MEF2C: variants seen among roughly 807,000 people sequenced by gnomAD.
MEF2C encodes myocyte-specific enhancer factor 2C.
A neutral mutation model predicts 50.5 loss-of-function variants in MEF2C; 6 were observed. The ratio of observed to expected loss-of-function variants is 0.12; its 90% CI spans 0.07 to 0.23. The LOEUF (loss-of-function observed/expected upper bound fraction) is 0.23, where lower values mean the gene tolerates loss of function less well. MEF2C is among the 10% of genes least tolerant of loss of function. The probability of loss-of-function intolerance (pLI) is 1.00; values close to 1 mark genes in which losing one functional copy is unlikely to be tolerated. For missense variants in MEF2C, 276 were observed against 605.0 expected (o/e 0.46, Z 5.70); for synonymous variants, 183 against 228.0 (o/e 0.80, Z 1.78).
At position 88,823,719 on chromosome 5, in the gene MEF2C, A is replaced by G. The variant is rs953851573; in HGVS notation, c.54+16T>C. On this transcript the variant is annotated intron_variant, in intron 2 of 10. Coordinates refer to ENST00000504921, the MANE Select transcript of MEF2C (RefSeq NM_002397.5). ...AATTAATAAATAATGATACAAAAAAAGTTTACTCCACTCACCTGTCTGTTA... is the reference window on the plus strand; with the variant it reads ...AATTAATAAATAATGATACAAAAAAGGTTTACTCCACTCACCTGTCTGTTA... The G allele has an allele frequency of 6.3e-7, 1 of 1,591,656 alleles. No homozygotes were observed. The highest frequency in any genetic ancestry group is 1.3e-5 in the African/African-American group (1 of 74,140).
chr5:88,846,538 A>G (rs1309870206), intron 1 of MEF2C, among the ~76,000 whole-genome samples: 1 of 152,240 alleles, frequency 6.6e-6, no homozygotes, highest in Admixed American at 6.5e-5. Flanking sequence ...AAGAAAATTA[A>G]GCAGTAAAGT....
At chr5:88,779,713 C>A (rs1012079893) in intron 3 of MEF2C, among the ~76,000 whole-genome samples, 19 of 149,664 alleles carry the variant, frequency 1.3e-4, no homozygotes, top group African/African-American at 3.9e-4. Context: ...CTTTTTCCCC[C>A]AGAAAGTAAT....
chr5:88,737,358 C>T (rs1057349811), intron 6 of MEF2C: 46 of 985,206 alleles, frequency 4.7e-5, no homozygotes, highest in South Asian at 9.4e-5. Flanking sequence ...TTAATTAAAG[C>T]GTCTTTTCTA....
intron 3 of MEF2C, among the ~76,000 whole-genome samples, chr5:88,774,654 A>G (rs902969959): frequency 6.6e-6 from 1 of 152,150 alleles, no homozygotes; most frequent in Non-Finnish European, 1.5e-5. Flanking sequence ...AATTGAATCC[A>G]TTTATCCTCT....
intron 7 of MEF2C, among the ~76,000 whole-genome samples, chr5:88,731,202 A>G (rs1297177807): frequency 6.6e-6 from 1 of 152,194 alleles, no homozygotes; most frequent in African/African-American, 2.4e-5. Context: ...GTATGGAAAG[A>G]TGAATTGAGG....
intron 3 of MEF2C, among the ~76,000 whole-genome samples, chr5:88,792,561 TATTTC>T (rs1163339458): frequency 6.6e-6 from 1 of 152,216 alleles, no homozygotes; most frequent in Non-Finnish European, 1.5e-5. Flanking sequence ...TCCCTCTTCA[TATTTC>T]AGTCTAGACC....
rs543583856 is a variant in MEF2C at position 88,717,977 on chromosome 5, C to G, written c.*4627G>C. ...GTTATCAAAGATCTTCATGGAACTT[C>G]TTTGATAAAGAAGTTGAACCATTCA... On this transcript the variant is annotated 3_prime_UTR_variant, in exon 11 of 11. Transcript: ENST00000504921. 2.0e-5 allele frequency: 3 copies of G among 152,262 alleles called. No homozygotes were observed. In the East Asian group the frequency reaches 5.8e-4, roughly 29 times the overall value. The allele number at this position is 152,262 out of a possible 1,614,324, so 9.4% of individuals were successfully genotyped here.
At chr5:88,878,139 CTG>C (rs1409712339) in intron 1 of MEF2C, 1 of 151,988 alleles carries the variant, frequency 6.6e-6, no homozygotes, top group African/African-American at 2.4e-5. Context: ...TGTTAATACA[CTG>C]TGTATTTTGA....
chr5:88,867,962 T>C (rs1243792487), intron 1 of MEF2C, among the ~76,000 whole-genome samples: 1 of 152,198 alleles, frequency 6.6e-6, no homozygotes, highest in East Asian at 1.9e-4. Context: ...CTGTGAATAA[T>C]ATATATTTTG....
At chr5:88,798,761 T>A (rs1797062398) in intron 3 of MEF2C, among the ~76,000 whole-genome samples, 2 of 152,208 alleles carry the variant, frequency 1.3e-5, no homozygotes, top group South Asian at 4.1e-4. Flanking sequence ...CACTGGTTTT[T>A]CCTCATCTTC....
intron 1 of MEF2C, among the ~76,000 whole-genome samples, chr5:88,864,814 C>T (rs535028690): frequency 2.7e-4 from 41 of 151,380 alleles, no homozygotes; most frequent in Admixed American, 9.9e-4. Context: ...TCGCCTAGGC[C>T]GGAGTGCAAT....
chr5:88,720,509 A>AG lies in MEF2C; in HGVS notation c.*2094dup, dbSNP rs947695596. ...CACCCAGCGGCAGCCTTTTACAATGAGAAACACATAGCAACTATGCAAGTA... is the reference window on the plus strand; with the variant it reads ...CACCCAGCGGCAGCCTTTTACAATGAGGAAACACATAGCAACTATGCAAGTA... On this transcript the variant is annotated 3_prime_UTR_variant, in exon 11 of 11. Coordinates refer to ENST00000504921, the MANE Select transcript of MEF2C (RefSeq NM_002397.5). The AG allele has an allele frequency of 1.1e-4, 17 of 152,714 alleles. No individual in the cohort carries two copies. The highest frequency in any genetic ancestry group is 4.1e-4 in the African/African-American group (17 of 41,548). The allele number at this position is 152,714 out of a possible 1,614,324, so 9.5% of individuals were successfully genotyped here.
At chr5:88,734,761 A>G (rs1219851865) in intron 6 of MEF2C, 3 of 982,058 alleles carry the variant, frequency 3.1e-6, no homozygotes, top group African/African-American at 1.8e-5. Context: ...ATTGATTTTA[A>G]AAGCCTTCTA....
chr5:88,742,522 T>C (rs955415507), intron 6 of MEF2C: 8 of 980,200 alleles, frequency 8.2e-6, no homozygotes, highest in Middle Eastern at 5.2e-4. Context: ...GGATAGAGAA[T>C]AAAAAGGATA....
At position 88,811,670 on chromosome 5, in the gene MEF2C, C is replaced by CT. The variant is rs558598363; in HGVS notation, c.55-6870dup. Among the ~76,000 whole-genome samples the CT allele has an allele frequency of 9.9e-5, 15 of 152,054 alleles. No homozygotes were observed. The South Asian group carries it at 2.1e-3, about 21-fold the overall frequency. ...TTCCATATTTCAAGAAATAAAATAACTTTTTTTGTAGCTAGACGAGACACA... is the reference window on the plus strand; with the variant it reads ...TTCCATATTTCAAGAAATAAAATAACTTTTTTTTGTAGCTAGACGAGACACA... On this transcript the variant is annotated intron_variant, in intron 2 of 10. Coordinates refer to ENST00000504921, the MANE Select transcript of MEF2C (RefSeq NM_002397.5).
intron 6 of MEF2C, chr5:88,734,531 T>C (rs1581442582): frequency 1.0e-6 from 1 of 978,814 alleles, no homozygotes; most frequent in Non-Finnish European, 1.2e-6. Flanking sequence ...TGTGCGAAAA[T>C]GGAAATGCTT....
intron 1 of MEF2C, among the ~76,000 whole-genome samples, chr5:88,865,536 A>C (rs968997178): frequency 1.1e-4 from 17 of 152,196 alleles, no homozygotes; most frequent in African/African-American, 3.9e-4. Context: ...AGGGTAATCC[A>C]GGCCTTTACA....
chr5:88,853,999 G>A (rs546952177), intron 1 of MEF2C, among the ~76,000 whole-genome samples: 1 of 149,592 alleles, frequency 6.7e-6, no homozygotes, highest in Non-Finnish European at 1.5e-5. Context: ...TTTTTACATG[G>A]GGGCAAAATC....
intron 1 of MEF2C, among the ~76,000 whole-genome samples, chr5:88,830,413 C>T (rs1812597987): frequency 6.6e-6 from 1 of 152,022 alleles, no homozygotes; most frequent in Non-Finnish European, 1.5e-5. Flanking sequence ...CCCTGACATA[C>T]ATCATTTTAT....
Sources: allele counts gnomAD v4.1 joint callset (sites outside exome capture counted in the v4.1 genomes callset), GRCh38; gene constraint gnomAD v4.1.1; transcripts MANE v1.5; gene names NCBI Gene and HGNC (gene_info 2026-07-23, HGNC 2026-07-21).